The following URM1 variants were observed in gnomAD, a reference collection of about 807,000 sequenced individuals.
URM1 encodes ubiquitin related modifier 1, also known as ubiquitin-related modifier 1.
URM1 carries 11 observed loss-of-function variants against 17.7 expected under a neutral mutation model. The ratio of observed to expected loss-of-function variants is 0.62; its 90% confidence interval spans 0.39 to 1.03. URM1 has a LOEUF of 1.03. Ranked by LOEUF, URM1 falls within the 50% of genes least tolerant of loss-of-function variation. The pLI is 0.00. For synonymous variants in URM1, 48 were observed against 50.6 expected, an observed-to-expected ratio of 0.95 and a Z score of 0.22; for missense variants, 128 against 129.2, an observed-to-expected ratio of 0.99 and a Z score of 0.04.
At chr9:128,388,010 T>C in intron 3 of URM1, 113 bp downstream of exon 3, 1 of 1,473,130 alleles carries the variant, frequency 6.8e-7, no homozygotes, top group Non-Finnish European at 9.0e-7. Context: ...CCCTTCCTCC[T>C]CCCTAACTCT....
intron 3 of URM1, chr9:128,388,933 T>C (rs1833265876): frequency 1.8e-6 from 2 of 1,135,204 alleles, no homozygotes; most frequent in South Asian, 3.6e-5. Context: ...CGTTTTCGTA[T>C]AGGCCTTGTG....
chr9:128,372,125 T>C (rs1833021309), intron 1 of URM1, among the ~76,000 whole-genome samples: 1 of 152,224 alleles, frequency 6.6e-6, no homozygotes, highest in East Asian at 1.9e-4. Flanking sequence ...CAAGGCACTA[T>C]TTGTGCTTCC....
intron 2 of URM1, among the ~76,000 whole-genome samples, chr9:128,385,533 A>G (rs967091086): frequency 6.6e-6 from 1 of 152,114 alleles, no homozygotes; most frequent in Non-Finnish European, 1.5e-5. Flanking sequence ...ACAGAGTGGG[A>G]AGGTGAAAGT....
At chr9:128,379,047 G>A (rs1833121106) in intron 2 of URM1, among the ~76,000 whole-genome samples, 1 of 151,942 alleles carries the variant, frequency 6.6e-6, no homozygotes, top group Non-Finnish European at 1.5e-5. Context: ...GGTGTTCACT[G>A]TAACCTTAGC....
intron 3 of URM1, chr9:128,388,588 C>T (rs1165146403): frequency 1.0e-6 from 1 of 986,028 alleles, no homozygotes; most frequent in East Asian, 1.1e-4. Context: ...GATCAGCCCT[C>T]CTTCAGGTCA....
In URM1 at chr9:128,383,111, T is replaced by C. The variant is rs757076553; in HGVS notation, c.107-4705T>C. Among the ~76,000 whole-genome samples, 21 of 152,156 alleles carry C rather than the reference T, an allele frequency of 1.4e-4. 1 individual carries two copies. Among genetic ancestry groups the C allele is most frequent in the African/African-American group, 2.9e-4 (12 of 41,434 alleles). ...TGCTTAGCATGCATTTCACAGCCTC[T>C]CTGGGGCCAGCTGTTCCTTTCTCTG... On this transcript the variant is annotated intron_variant, in intron 2 of 4. Coordinates refer to ENST00000372853, the MANE Select transcript of URM1 (RefSeq NM_030914.4).
chr9:128,387,787 A>C lies in URM1; in HGVS notation c.107-29A>C. 13 of 1,613,750 alleles carry C rather than the reference A, an allele frequency of 8.1e-6. No individual in the cohort carries two copies. The highest frequency in any genetic ancestry group is 1.0e-5 in the Non-Finnish European group (12 of 1,179,696). ...TGGGCAGGTGCTATTTGGGTTTGAC[A>C]AGAGTTTGTTCTGTGCATTCCTTTC... On this transcript the variant is annotated intron_variant, in intron 2 of 4. Transcript: ENST00000372853. This position sits in a 1 kb window ranked among gnomAD's most constrained non-coding sequence, Gnocchi z 4.3.
rs770645092 is a variant in URM1 at position 128,377,946 on chromosome 9, C to A, written c.36-90C>A. The stretch of plus-strand genomic sequence containing the variant: ...TCTCTGCTTCTCTCGGCCTTCATTA[C>A]CAGCCCTATCCTCAGTTTTCTGTTT... On this transcript the variant is annotated intron_variant, in intron 1 of 4. Transcript: ENST00000372853. 25 of 1,394,564 alleles carry A rather than the reference C, an allele frequency of 1.8e-5. No homozygotes were observed. The South Asian group carries it at 2.1e-4, about 12-fold the overall frequency. 86.4% of individuals were successfully genotyped at this position (1,394,564 alleles called of 1,614,324 possible).
At chr9:128,371,494 C>T (rs1194996465) in intron 1 of URM1, 79 bp downstream of exon 1, 4 of 1,453,846 alleles carry the variant, frequency 2.8e-6, no homozygotes, top group Non-Finnish European at 3.8e-6. Context: ...GCCGTGGGGC[C>T]TGACACGGCC....
chr9:128,391,695 C>T lies in URM1; in HGVS notation c.*1961C>T, dbSNP rs1833317656. 6.6e-6 allele frequency: 1 copy of T among 152,278 alleles called. No homozygotes were observed. The highest frequency in any genetic ancestry group is 2.4e-5 in the African/African-American group (1 of 41,462). The allele number at this position is 152,278 out of a possible 1,614,324, so 9.4% of individuals were successfully genotyped here. A position where few individuals can be genotyped will look rare whatever the true frequency, so the allele number is the denominator to read the frequency against. Reference sequence around the variant, plus strand: ...GGAAACTGGGCGCTAGGATCCGTTTCCCTGGCTGCAGAGAGTGGGAGGTGT... The same window carrying T: ...GGAAACTGGGCGCTAGGATCCGTTTTCCTGGCTGCAGAGAGTGGGAGGTGT... On this transcript the variant is annotated 3_prime_UTR_variant, in exon 5 of 5. Transcript: ENST00000372853.
At chr9:128,386,218 TG>T (rs1247534723) in intron 2 of URM1, among the ~76,000 whole-genome samples, 1 of 152,146 alleles carries the variant, frequency 6.6e-6, no homozygotes, top group East Asian at 1.9e-4. Flanking sequence ...CAGACCCCGG[TG>T]GCTCTATCGA....
rs114896958 is a variant in URM1 at position 128,388,232 on chromosome 9, G to T, written c.188+335G>T. ...ACACAGAAAGTGCTGAGGAAAAAAC[G>T]TAGCTAGTACAACTGAAGAGCTAAA... On this transcript the variant is annotated intron_variant, in intron 3 of 4. Coordinates refer to ENST00000372853, the MANE Select transcript of URM1 (RefSeq NM_030914.4). The T allele has an allele frequency of 4.3e-6, 5 of 1,149,864 alleles. No individual in the cohort carries two copies. In the African/African-American group the frequency reaches 6.4e-5, roughly 15 times the overall value. 71.2% of individuals were successfully genotyped at this position (1,149,864 alleles called of 1,614,324 possible).
chr9:128,371,335 G>C, upstream of URM1: 1 of 1,605,114 alleles, frequency 6.2e-7, no homozygotes, highest in Non-Finnish European at 8.5e-7. Context: ...ATTTGCGGGC[G>C]CGCCGGAAGT....
chr9:128,377,405 G>A (rs913740686), intron 1 of URM1, among the ~76,000 whole-genome samples: 5 of 152,162 alleles, frequency 3.3e-5, no homozygotes, highest in African/African-American at 9.7e-5. Context: ...AGGCGCGGTG[G>A]CTCATGACTG....
At chr9:128,371,636 T>A (rs976480801) in intron 1 of URM1, among the ~76,000 whole-genome samples, 3 of 152,210 alleles carry the variant, frequency 2.0e-5, no homozygotes, top group African/African-American at 7.2e-5. Flanking sequence ...AAATGCTCTC[T>A]GTGTACCACT....
rs1833286700 is a variant in URM1, at chr9:128,389,886, G to A, written c.*152G>A. On this transcript the variant is annotated 3_prime_UTR_variant, in exon 5 of 5. Transcript: ENST00000372853. The stretch of plus-strand genomic sequence containing the variant: ...CCCTCCAGGCAGGGAAAAGAGGCCA[G>A]GTGCTAAAAATGAGCCTTTCTCAAG... The A allele has an allele frequency of 1.8e-6, 2 of 1,089,976 alleles. No individual in the cohort carries two copies. The highest frequency in any genetic ancestry group is 1.7e-5 in the South Asian group (1 of 59,660). The allele number at this position is 1,089,976 out of a possible 1,614,324, so 67.5% of individuals were successfully genotyped here. A position where few individuals can be genotyped will look rare whatever the true frequency, so the allele number is the denominator to read the frequency against.
chr9:128,384,646 G>A (rs1767105851), intron 2 of URM1, among the ~76,000 whole-genome samples: 1 of 152,170 alleles, frequency 6.6e-6, no homozygotes, highest in African/African-American at 2.4e-5. Flanking sequence ...AGCGCGAGGG[G>A]TATAGGTTCT....
intron 3 of URM1, 140 bp downstream of exon 3, chr9:128,388,037 G>A (rs1833251457): frequency 7.2e-7 from 1 of 1,382,908 alleles, no homozygotes; most frequent in Non-Finnish European, 9.4e-7. Flanking sequence ...TCTGAGATCT[G>A]TTTTCAGTTT....
chr9:128,373,084 T>G (rs958863154), intron 1 of URM1, among the ~76,000 whole-genome samples: 1 of 152,114 alleles, frequency 6.6e-6, no homozygotes, highest in African/African-American at 2.4e-5. Context: ...CCAGCACAAT[T>G]GCCCTTTTTC....
Sources: gnomAD v4.1 joint callset for allele counts (sites outside exome capture counted in the v4.1 genomes callset) on GRCh38, gnomAD v4.1.1 for gene constraint, Gnocchi (gnomAD v3.1) non-coding constraint, MANE v1.5 for transcripts, NCBI Gene and HGNC (gene_info 2026-07-23, HGNC 2026-07-21) for gene names.